Variants in TRHDE observed in about 807,000 individuals in gnomAD.
The protein encoded by TRHDE is thyrotropin-releasing hormone-degrading ectoenzyme.
In TRHDE, 72 loss-of-function variants were observed where a neutral mutation model predicts 125.7. That is an observed-to-expected ratio of 0.57 (90% CI 0.47 to 0.70). TRHDE has a LOEUF of 0.70. Ranked by LOEUF, TRHDE falls within the 30% of genes least tolerant of loss-of-function variation. The pLI is 0.00. For missense variants in TRHDE, 1,110 were observed against 1,327.1 expected, an observed-to-expected ratio of 0.84 and a Z score of 2.54; for synonymous variants, 509 against 509.1, an observed-to-expected ratio of 1.00 and a Z score of 0.00.
chr12:72,373,775 G>A (rs1404083839), intron 2 of TRHDE, among the ~76,000 whole-genome samples: 1 of 152,142 alleles, frequency 6.6e-6, no homozygotes, highest in East Asian at 1.9e-4. Context: ...TATGTTTGAG[G>A]AGTGAAAAGG....
intron 3 of TRHDE, among the ~76,000 whole-genome samples, chr12:72,399,524 A>G (rs1872948732): frequency 6.6e-6 from 1 of 152,204 alleles, no homozygotes; most frequent in African/African-American, 2.4e-5. Context: ...TATTATTCAC[A>G]TAAGAACATA....
chr12:72,552,585 G>A (rs1454571899), intron 7 of TRHDE, among the ~76,000 whole-genome samples: 1 of 152,118 alleles, frequency 6.6e-6, no homozygotes, highest in Non-Finnish European at 1.5e-5. Context: ...TTAGAGAAGA[G>A]CTTGTTTCAA....
chr12:72,395,240 A>C (rs1872744399), intron 3 of TRHDE, among the ~76,000 whole-genome samples: 2 of 151,906 alleles, frequency 1.3e-5, no homozygotes, highest in Non-Finnish European at 2.9e-5. Flanking sequence ...TGAAACACTG[A>C]CTTTCCATCA....
At chr12:72,185,856 G>A (rs948865048) in intron 2 of TRHDE, among the ~76,000 whole-genome samples, 15 of 151,864 alleles carry the variant, frequency 9.9e-5, no homozygotes, top group African/African-American at 3.4e-4. Context: ...CTCAAGGTTT[G>A]TGAATGCACC....
chr12:72,378,632 T>G (rs1872006800), intron 3 of TRHDE, among the ~76,000 whole-genome samples: 1 of 152,182 alleles, frequency 6.6e-6, no homozygotes, highest in Non-Finnish European at 1.5e-5. Context: ...AATTTTCACA[T>G]GTCAGACCTC....
intron 5 of TRHDE, among the ~76,000 whole-genome samples, chr12:72,478,883 A>G (rs1354036218): frequency 6.8e-6 from 1 of 146,116 alleles, no homozygotes; most frequent in East Asian, 2.1e-4. Context: ...CTGGAATCTA[A>G]CCAGTGGAGA....
At chr12:72,348,028 T>A (rs1323697073) in intron 2 of TRHDE, among the ~76,000 whole-genome samples, 1 of 152,008 alleles carries the variant, frequency 6.6e-6, no homozygotes, top group Admixed American at 6.6e-5. Context: ...GCACTTGAAG[T>A]AGATGCTCAA....
intron 2 of TRHDE, among the ~76,000 whole-genome samples, chr12:72,113,162 T>C (rs1875359717): frequency 6.6e-6 from 1 of 151,944 alleles, no homozygotes; most frequent in Non-Finnish European, 1.5e-5. Context: ...GGACTACAGG[T>C]GCACATCACC....
At chr12:72,524,217 G>A (rs1008382030) in intron 6 of TRHDE, among the ~76,000 whole-genome samples, 8 of 152,092 alleles carry the variant, frequency 5.3e-5, no homozygotes, top group South Asian at 2.1e-4. Context: ...TATCCTCTCC[G>A]TAAACTCTCC....
intron 12 of TRHDE, among the ~76,000 whole-genome samples, chr12:72,598,024 T>G (rs1185746326): frequency 1.3e-5 from 2 of 151,754 alleles, no homozygotes; most frequent in Non-Finnish European, 2.9e-5. Context: ...TTCCAAAAAA[T>G]TGAGCAAATT....
intron 3 of TRHDE, among the ~76,000 whole-genome samples, chr12:72,468,639 G>A (rs748250532): frequency 2.0e-5 from 3 of 152,182 alleles, no homozygotes; most frequent in African/African-American, 4.8e-5. Flanking sequence ...AGCAAGGAGC[G>A]CTAGCTATTT....
At chr12:72,654,335 C>T (rs914301330) in intron 17 of TRHDE, among the ~76,000 whole-genome samples, 9 of 152,208 alleles carry the variant, frequency 5.9e-5, no homozygotes, top group African/African-American at 2.2e-4. Context: ...TCTAAAAATA[C>T]GATGGTGTTT....
intron 2 of TRHDE, among the ~76,000 whole-genome samples, chr12:72,247,638 A>G (rs1565672063): frequency 2.0e-5 from 3 of 152,250 alleles, no homozygotes; most frequent in East Asian, 1.9e-4. Flanking sequence ...CATTATAGAC[A>G]CTCAAAGTAT....
At chr12:72,464,079 A>T (rs886526739) in intron 3 of TRHDE, among the ~76,000 whole-genome samples, 11 of 152,174 alleles carry the variant, frequency 7.2e-5, no homozygotes, top group Non-Finnish European at 1.3e-4. Context: ...ATTAAGCCAG[A>T]TTAAAAGGGG....
Position 72,209,722 on chromosome 12 carries a change from C to T in TRHDE, n.279+103970C>T, listed in dbSNP as rs147294554. Reference sequence around the variant, plus strand: ...GATTCAACTTGGTAAGAGGTGGAGACCAGTTGCTTTCACTTAAGGTTAAAA... The same window carrying T: ...GATTCAACTTGGTAAGAGGTGGAGATCAGTTGCTTTCACTTAAGGTTAAAA... On this transcript the variant is annotated intron_variant and non_coding_transcript_variant, in intron 2 of 4. Coordinates refer to the TRHDE transcript ENST00000548156. Among the ~76,000 whole-genome samples, 4 of 152,236 alleles carry T rather than the reference C, an allele frequency of 2.6e-5. No individual in the cohort carries two copies. The East Asian group carries it at 7.7e-4, about 29-fold the overall frequency.
intron 18 of TRHDE, among the ~76,000 whole-genome samples, chr12:72,662,530 C>T (rs1393425842): frequency 1.3e-5 from 2 of 152,080 alleles, no homozygotes; most frequent in African/African-American, 2.4e-5. Context: ...TTTTTTTCCA[C>T]TAGACAATAC....
At chr12:72,387,744 G>A (rs1403340738) in intron 3 of TRHDE, among the ~76,000 whole-genome samples, 1 of 152,018 alleles carries the variant, frequency 6.6e-6, no homozygotes, top group East Asian at 1.9e-4. Context: ...CTGTTCTCCT[G>A]GTAGTGAATA....
At chr12:72,383,370 A>ATTTTTTTTTTTTTTT (rs552559387) in intron 3 of TRHDE, among the ~76,000 whole-genome samples, 1 of 100,946 alleles carries the variant, frequency 9.9e-6, no homozygotes, top group African/African-American at 4.2e-5. Context: ...AACCCATTTA[A>ATTTTTTTTTTTTTTT]TTTTTTTTTT....
chr12:72,647,887 T>C (rs891635865), intron 15 of TRHDE, among the ~76,000 whole-genome samples: 3 of 152,060 alleles, frequency 2.0e-5, no homozygotes, highest in African/African-American at 7.2e-5. Flanking sequence ...TCAAAAAAAT[T>C]GATGAGGAAC....
Sources: allele counts gnomAD v4.1 joint callset (sites outside exome capture counted in the v4.1 genomes callset), GRCh38; gene constraint gnomAD v4.1.1; transcripts MANE v1.5; gene names NCBI Gene and HGNC (gene_info 2026-07-23, HGNC 2026-07-21).